The following SGMS1 variants were observed in gnomAD, a reference collection of about 807,000 sequenced individuals.
SGMS1 encodes the protein phosphatidylcholine:ceramide cholinephosphotransferase 1.
Under a neutral mutation model 46.2 loss-of-function variants are expected in SGMS1, and 13 were observed. That is an observed-to-expected ratio of 0.28 (90% confidence interval 0.18 to 0.45). The LOEUF is 0.45. Ranked by LOEUF, SGMS1 falls within the 20% of genes least tolerant of loss-of-function variation. The probability of loss-of-function intolerance (pLI) is 1.00; values close to 1 mark genes in which losing one functional copy is unlikely to be tolerated. For missense variants in SGMS1, 324 were observed against 519.9 expected, an observed-to-expected ratio of 0.62 and a Z score of 3.66; for synonymous variants, 203 against 187.8, an observed-to-expected ratio of 1.08 and a Z score of -0.66.
At chr10:50,622,681 A>G (rs1185093514) in intron 1 of SGMS1, among the ~76,000 whole-genome samples, 1 of 152,216 alleles carries the variant, frequency 6.6e-6, no homozygotes, top group African/African-American at 2.4e-5. Context: ...GGTGAAAAGA[A>G]ACATCTGAGA....
intron 2 of SGMS1, among the ~76,000 whole-genome samples, chr10:50,543,180 C>A (rs977826773): frequency 1.4e-4 from 21 of 152,022 alleles, no homozygotes; most frequent in Non-Finnish European, 1.5e-5. Flanking sequence ...ACAATATGCT[C>A]AGCTGGAAAA....
intron 1 of SGMS1, among the ~76,000 whole-genome samples, chr10:50,603,883 A>G (rs1249708214): frequency 6.6e-6 from 1 of 152,250 alleles, no homozygotes; most frequent in Non-Finnish European, 1.5e-5. Flanking sequence ...ATACATAAAC[A>G]GGTTAAGATT....
At chr10:50,603,211 T>C (rs527641100) in intron 1 of SGMS1, among the ~76,000 whole-genome samples, 24 of 152,336 alleles carry the variant, frequency 1.6e-4, no homozygotes, top group African/African-American at 4.8e-4. Context: ...AATAAACCTG[T>C]AGGATGAGCT....
chr10:50,582,170 G>A (rs10763566), intron 2 of SGMS1, among the ~76,000 whole-genome samples: 32,195 of 152,130 alleles, frequency 0.21, 4,384 homozygotes, highest in East Asian at 0.64. Context: ...GCTTGGGAGC[G>A]TATCAGAGAT....
At chr10:50,421,793 T>G (rs916296474) in intron 6 of SGMS1, among the ~76,000 whole-genome samples, 1 of 152,048 alleles carries the variant, frequency 6.6e-6, no homozygotes, top group Admixed American at 6.6e-5. Context: ...TTCTTAACTT[T>G]CACATTGTAG....
intron 5 of SGMS1, among the ~76,000 whole-genome samples, chr10:50,451,926 A>G (rs1837115038): frequency 6.6e-6 from 1 of 152,214 alleles, no homozygotes; most frequent in Non-Finnish European, 1.5e-5. Flanking sequence ...CCTTACAAAT[A>G]ATATTACACT....
At chr10:50,527,085 A>G (rs1334604855) in intron 2 of SGMS1, among the ~76,000 whole-genome samples, 5 of 134,938 alleles carry the variant, frequency 3.7e-5, no homozygotes, top group African/African-American at 2.7e-5. Context: ...AAAAAAAAAA[A>G]AAAAGAAAGA....
intron 2 of SGMS1, among the ~76,000 whole-genome samples, chr10:50,573,472 C>T (rs920542338): frequency 1.3e-5 from 2 of 152,126 alleles, no homozygotes; most frequent in Non-Finnish European, 2.9e-5. Flanking sequence ...TAGAAATAAA[C>T]CTAACCTGGG....
intron 3 of SGMS1, among the ~76,000 whole-genome samples, chr10:50,469,297 T>C (rs897907376): frequency 6.6e-6 from 1 of 152,200 alleles, no homozygotes; most frequent in Non-Finnish European, 1.5e-5. Flanking sequence ...TCCTTCCTCC[T>C]GTGAGATGGA....
chr10:50,622,047 G>A (rs1838856548), intron 1 of SGMS1, among the ~76,000 whole-genome samples: 1 of 152,242 alleles, frequency 6.6e-6, no homozygotes, highest in African/African-American at 2.4e-5. Flanking sequence ...GCACCTGGAG[G>A]TTCCCCCAAA....
chr10:50,402,671 T>C (rs1564903045), intron 6 of SGMS1, among the ~76,000 whole-genome samples: 1 of 152,192 alleles, frequency 6.6e-6, no homozygotes, highest in Non-Finnish European at 1.5e-5. Flanking sequence ...GGATTTAGGT[T>C]GAGTCATAGT....
intron 6 of SGMS1, among the ~76,000 whole-genome samples, chr10:50,353,467 C>T (rs1201428191): frequency 1.3e-5 from 2 of 152,288 alleles, no homozygotes; most frequent in Non-Finnish European, 2.9e-5. Context: ...CTATGACAAA[C>T]CCACAGCTAA....
chr10:50,331,576 G>A (rs540736029), intron 7 of SGMS1, among the ~76,000 whole-genome samples: 32 of 151,986 alleles, frequency 2.1e-4, no homozygotes, highest in Non-Finnish European at 2.6e-4. Flanking sequence ...TTACCACCTC[G>A]TATGTTAAAT....
At chr10:50,314,941 T>G (rs989860035) in intron 8 of SGMS1, among the ~76,000 whole-genome samples, 3 of 151,972 alleles carry the variant, frequency 2.0e-5, no homozygotes, top group Non-Finnish European at 4.4e-5. Flanking sequence ...AGCAAAAAAC[T>G]GGAAACAACC....
intron 3 of SGMS1, among the ~76,000 whole-genome samples, chr10:50,510,648 T>A (rs765379786): frequency 1.1e-4 from 16 of 151,802 alleles, no homozygotes; most frequent in Non-Finnish European, 1.9e-4. Context: ...AACTCTAGAC[T>A]CACATAGAAG....
chr10:50,478,788 G>T (rs1470477120), intron 3 of SGMS1, among the ~76,000 whole-genome samples: 1 of 152,014 alleles, frequency 6.6e-6, no homozygotes, highest in Non-Finnish European at 1.5e-5. Flanking sequence ...ATTTTTCAAA[G>T]CTACAACAAT....
At chr10:50,391,069 C>T (rs1848758134) in intron 6 of SGMS1, among the ~76,000 whole-genome samples, 1 of 152,174 alleles carries the variant, frequency 6.6e-6, no homozygotes, top group South Asian at 2.1e-4. Flanking sequence ...CCGAGCATCT[C>T]CAAGACCTGG....
At chr10:50,617,570 T>G (rs151234513) in intron 1 of SGMS1, among the ~76,000 whole-genome samples, 1 of 152,162 alleles carries the variant, frequency 6.6e-6, no homozygotes, top group African/African-American at 2.4e-5. Context: ...GTTACAACTC[T>G]TATTTTTATT....
chr10:50,360,273 A>G (rs572593373), intron 6 of SGMS1, among the ~76,000 whole-genome samples: 1 of 152,338 alleles, frequency 6.6e-6, no homozygotes, highest in South Asian at 2.1e-4. Flanking sequence ...AAGTGCATAA[A>G]GCAACTCCAG....
Sources: allele counts gnomAD v4.1 joint callset (sites outside exome capture counted in the v4.1 genomes callset), GRCh38; gene constraint gnomAD v4.1.1; transcripts MANE v1.5; gene names NCBI Gene and HGNC (gene_info 2026-07-23, HGNC 2026-07-21).